Variants in COL27A1 observed in about 807,000 individuals in gnomAD.
The protein encoded by COL27A1 is collagen type XXVII alpha 1 chain.
COL27A1 carries 106 observed loss-of-function variants against 251.3 expected under a neutral mutation model. The observed-to-expected ratio is 0.42, with a 90% CI of 0.36 to 0.50. COL27A1 has a LOEUF of 0.50. Ranked by LOEUF, COL27A1 falls within the 20% of genes least tolerant of loss-of-function variation. The pLI, the probability that COL27A1 is intolerant of heterozygous loss-of-function variation, is 0.00. For missense variants in COL27A1, 2,325 were observed against 2,522.8 expected, an observed-to-expected ratio of 0.92 and a Z score of 1.68; for synonymous variants, 1,000 against 986.3, an observed-to-expected ratio of 1.01 and a Z score of -0.26.
intron 7 of COL27A1, 112 bp from the exon 8 acceptor site, chr9:114,204,990 C>G: frequency 1.1e-6 from 1 of 945,056 alleles, no homozygotes; most frequent in South Asian, 1.4e-5. Context: ...CACTCCATCC[C>G]GGATGCAGTA....
chr9:114,237,008 G>A lies in COL27A1; in HGVS notation c.2647G>A (p.Gly883Ser), dbSNP rs1832445136. The A allele has an allele frequency of 6.8e-6, 11 of 1,611,442 alleles. No individual in the cohort carries two copies. Among genetic ancestry groups the A allele is most frequent in the Non-Finnish European group, 9.3e-6 (11 of 1,178,764 alleles). Residue 883 changes from glycine (G) to serine (S), a missense_variant, in exon 18 of 61, where the codon GGT (glycine) becomes AGT (serine). Gly to Ser is a moderately conservative substitution (Grantham distance 56, BLOSUM62 0). Transcript: ENST00000356083. Reference protein sequence around the residue: ...KGSQGLPGFPGARGKPGPLGK... With the variant: ...KGSQGLPGFPSARGKPGPLGK... ...GAGCCAGGGGTTGCCAGGGTTCCCC[G>A]GTGCACGGGGGAAGCCAGGGCCTCT...
intron 28 of COL27A1, 69 bp downstream of exon 28, chr9:114,258,663 C>T (rs1270412343): frequency 6.7e-7 from 1 of 1,485,878 alleles, no homozygotes; most frequent in Non-Finnish European, 9.3e-7. Flanking sequence ...GGGCCATCTG[C>T]CAGAGACTGC....
At chr9:114,215,865 C>T (rs917044121) in intron 12 of COL27A1, among the ~76,000 whole-genome samples, 1 of 152,234 alleles carries the variant, frequency 6.6e-6, no homozygotes, top group Non-Finnish European at 1.5e-5. Context: ...CAGCCCAGCC[C>T]TGCCAGGTGA....
intron 41 of COL27A1, among the ~76,000 whole-genome samples, chr9:114,288,068 C>T (rs1255520617): frequency 6.6e-6 from 1 of 152,170 alleles, no homozygotes; most frequent in Non-Finnish European, 1.5e-5. Flanking sequence ...ATGCTGTCCC[C>T]TTCACCCCAC....
intron 12 of COL27A1, chr9:114,218,709 A>T (rs947757880): frequency 1.3e-5 from 2 of 152,194 alleles, no homozygotes; most frequent in Non-Finnish European, 2.9e-5. Context: ...TAAAGGGAGT[A>T]GGGCTGCGGG....
intron 4 of COL27A1, among the ~76,000 whole-genome samples, chr9:114,181,008 C>T (rs927642690): frequency 6.6e-6 from 1 of 152,140 alleles, no homozygotes; most frequent in Non-Finnish European, 1.5e-5. Context: ...GGAACCCCTC[C>T]TTGAACACTC....
intron 1 of COL27A1, among the ~76,000 whole-genome samples, chr9:114,161,025 A>T (rs1047755504): frequency 7.9e-5 from 12 of 152,194 alleles, no homozygotes; most frequent in African/African-American, 2.9e-4. Flanking sequence ...TTAAACGATA[A>T]GGGGGGTTAT....
chr9:114,307,995 G>C (rs1829178671), intron 59 of COL27A1, among the ~76,000 whole-genome samples: 1 of 152,194 alleles, frequency 6.6e-6, no homozygotes, highest in Non-Finnish European at 1.5e-5. Flanking sequence ...GTCATATGAT[G>C]CTGATGATTC....
intron 10 of COL27A1, among the ~76,000 whole-genome samples, chr9:114,208,286 C>A (rs1232362343): frequency 6.6e-6 from 1 of 151,988 alleles, no homozygotes; most frequent in Non-Finnish European, 1.5e-5. Context: ...AAAGTAACTA[C>A]AAAAATTAGC....
chr9:114,253,463 GGAAA>G (rs1833707663), intron 27 of COL27A1, among the ~76,000 whole-genome samples: 2 of 149,702 alleles, frequency 1.3e-5, no homozygotes, highest in African/African-American at 2.5e-5. Context: ...GAGGAAGAAA[GGAAA>G]GAAAGGAAAA....
chr9:114,234,212 TAAAAAAAA>T, intron 16 of COL27A1, among the ~76,000 whole-genome samples: 1 of 89,362 alleles, frequency 1.1e-5, no homozygotes, highest in African/African-American at 4.7e-5. Flanking sequence ...TCTTGGACAT[TAAAAAAAA>T]AAAAAAAAAA....
intron 13 of COL27A1, among the ~76,000 whole-genome samples, chr9:114,220,942 C>G (rs1480575782): frequency 1.3e-5 from 2 of 149,670 alleles, no homozygotes; most frequent in African/African-American, 5.0e-5. Context: ...TTGCAGTGAG[C>G]CAAGATCACG....
At position 114,306,291 on chromosome 9, in the gene COL27A1, C is replaced by T. The variant is rs1230645367; in HGVS notation, c.4939-229C>T. 5.9e-6 allele frequency: 3 copies of T among 510,726 alleles called. No individual in the cohort carries two copies. In the Admixed American group the frequency reaches 1.0e-4, roughly 17 times the overall value. The allele number at this position is 510,726 out of a possible 1,614,324, so 31.6% of individuals were successfully genotyped here. On this transcript the variant is annotated intron_variant, in intron 57 of 60. Coordinates refer to ENST00000356083, the MANE Select transcript of COL27A1 (RefSeq NM_032888.4). ...TCCCATATCAGAGAACATGGTCTGA[C>T]CCTGAGCTCTTTTCAAGCCTCTGAG... is the stretch of plus-strand genomic sequence containing the variant.
At chr9:114,201,546 C>T (rs1422858312) in intron 7 of COL27A1, among the ~76,000 whole-genome samples, 3 of 152,188 alleles carry the variant, frequency 2.0e-5, no homozygotes, top group Non-Finnish European at 2.9e-5. Flanking sequence ...TTCAGGGTCC[C>T]TTGATCAAGA....
In COL27A1 at chr9:114,201,485, C is replaced by T. The variant is rs150536222; in HGVS notation, c.2125-3617C>T. Among the ~76,000 whole-genome samples, 136 of 152,332 alleles carry T rather than the reference C, an allele frequency of 8.9e-4. 1 individual carries two copies. Among genetic ancestry groups the T allele is most frequent in the African/African-American group, 3.2e-3 (131 of 41,576 alleles). On this transcript the variant is annotated intron_variant, in intron 7 of 60. Coordinates refer to ENST00000356083, the MANE Select transcript of COL27A1 (RefSeq NM_032888.4). ...CGCCTTGGCTATGCTCGCTCTTCTGCTCCTGGCCATCCAGGAGAAACTGGG... is the reference window on the plus strand; with the variant it reads ...CGCCTTGGCTATGCTCGCTCTTCTGTTCCTGGCCATCCAGGAGAAACTGGG...
At chr9:114,191,559 T>C (rs1334035657) in intron 5 of COL27A1, among the ~76,000 whole-genome samples, 1 of 152,210 alleles carries the variant, frequency 6.6e-6, no homozygotes, top group Non-Finnish European at 1.5e-5. Context: ...CTTAGGATAA[T>C]GGCTTCTTCA....
intron 57 of COL27A1, 124 bp downstream of exon 57, chr9:114,304,797 G>T: frequency 1.3e-6 from 1 of 789,040 alleles, no homozygotes; most frequent in Non-Finnish European, 2.1e-6. Context: ...CCTGGTCTTG[G>T]TGGCATCTCG....
At chr9:114,200,382 A>G (rs1417179162) in intron 7 of COL27A1, among the ~76,000 whole-genome samples, 1 of 152,160 alleles carries the variant, frequency 6.6e-6, no homozygotes, top group South Asian at 2.1e-4. Flanking sequence ...CCTAATATGC[A>G]TTTAATGCCC....
At chr9:114,171,095 TG>T (rs1464780713) in intron 3 of COL27A1, among the ~76,000 whole-genome samples, 1 of 152,180 alleles carries the variant, frequency 6.6e-6, no homozygotes, top group Admixed American at 6.5e-5. Flanking sequence ...TACTTTTTCC[TG>T]GGGCTTGGGG....
Sources: allele counts gnomAD v4.1 joint callset (sites outside exome capture counted in the v4.1 genomes callset), GRCh38; gene constraint gnomAD v4.1.1; transcripts MANE v1.5; gene names NCBI Gene and HGNC (gene_info 2026-07-23, HGNC 2026-07-21).